Variants in DIAPH2 observed in about 807,000 individuals in gnomAD.
DIAPH2 encodes protein diaphanous homolog 2.
Under a neutral mutation model 92.7 loss-of-function variants are expected in DIAPH2, and 35 were observed. The ratio of observed to expected loss-of-function variants is 0.38; its 90% CI spans 0.29 to 0.50. The LOEUF (loss-of-function observed/expected upper bound fraction) is 0.50, where lower values mean the gene tolerates loss of function less well. Ranked by LOEUF, DIAPH2 falls within the 20% of genes least tolerant of loss-of-function variation. The pLI is 0.94. For missense variants in DIAPH2, 701 were observed against 819.5 expected, an observed-to-expected ratio of 0.86 and a Z score of 1.77; for synonymous variants, 301 against 280.4, an observed-to-expected ratio of 1.07 and a Z score of -0.73.
At chrX:97,001,041 C>T (rs1164539703) in intron 17 of DIAPH2, among the ~76,000 whole-genome samples, 2 of 112,169 alleles carry the variant, frequency 1.8e-5, no homozygotes, top group Non-Finnish European at 3.8e-5. Context: ...TTAACTATGC[C>T]TGAGTGGAGC....
At chrX:96,705,482 T>A (rs190957098) in intron 1 of DIAPH2, among the ~76,000 whole-genome samples, 84 of 112,531 alleles carry the variant, frequency 7.5e-4, no homozygotes, top group Middle Eastern at 4.6e-3. Context: ...CAAGAGTTAA[T>A]ACAGGGTTAC....
intron 13 of DIAPH2, among the ~76,000 whole-genome samples, chrX:96,944,552 C>G (rs1044028033): frequency 8.9e-5 from 10 of 111,980 alleles, no homozygotes; most frequent in African/African-American, 3.2e-4. Context: ...TATTACTGAT[C>G]TCTCTCTTAC....
Position 96,722,734 on chromosome X carries a change from C to T in DIAPH2, c.133-13024C>T, listed in dbSNP as rs185205484. Among the ~76,000 whole-genome samples the T allele has an allele frequency of 4.5e-5, 5 of 111,594 alleles. No homozygotes were observed. The East Asian group carries it at 1.1e-3, about 25-fold the overall frequency. The stretch of plus-strand genomic sequence containing the variant: ...TTCATACATTCTAGTGAGAAATTAT[C>T]GCACTATGATAAATGCTAAAATCAA... On this transcript the variant is annotated intron_variant, in intron 1 of 26. Transcript: ENST00000324765.
At chrX:96,808,793 A>G (rs2064649945) in intron 4 of DIAPH2, among the ~76,000 whole-genome samples, 1 of 111,629 alleles carries the variant, frequency 9.0e-6, no homozygotes, top group Non-Finnish European at 1.9e-5. Flanking sequence ...TAAGGATACT[A>G]CCTGTAAGTT....
At chrX:97,157,703 C>G (rs761243429) in intron 22 of DIAPH2, among the ~76,000 whole-genome samples, 1 of 111,617 alleles carries the variant, frequency 9.0e-6, no homozygotes, top group South Asian at 3.8e-4. Context: ...TCCAAGAACC[C>G]TCTTTTGGGG....
intron 26 of DIAPH2, among the ~76,000 whole-genome samples, chrX:97,509,647 A>C (rs996740416): frequency 9.5e-6 from 1 of 105,730 alleles, no homozygotes; most frequent in Non-Finnish European, 1.9e-5. Flanking sequence ...TCCTAATGCT[A>C]TCCCTCCCCA....
intron 17 of DIAPH2, among the ~76,000 whole-genome samples, chrX:96,972,496 G>A (rs1360772400): frequency 9.0e-6 from 1 of 111,340 alleles, no homozygotes; most frequent in Non-Finnish European, 1.9e-5. Context: ...GGTTAAGTTT[G>A]TAGAGTATCT....
chrX:97,172,837 G>A (rs918290270), intron 22 of DIAPH2, among the ~76,000 whole-genome samples: 7 of 111,408 alleles, frequency 6.3e-5, no homozygotes, highest in African/African-American at 2.3e-4. Context: ...TTCCCATTAA[G>A]GACTGTATAC....
intron 25 of DIAPH2, among the ~76,000 whole-genome samples, chrX:97,415,657 A>G (rs1469563882): frequency 2.0e-5 from 2 of 99,446 alleles, no homozygotes; most frequent in South Asian, 1.0e-3. Context: ...TAACAATGAG[A>G]TCACTTGGAC....
chrX:97,010,248 C>T lies in DIAPH2; in HGVS notation c.2050+45041C>T, dbSNP rs953918341. 5.5e-5 allele frequency among the ~76,000 whole-genome samples: 6 copies of T among 109,258 alleles called. No homozygotes were observed. The Admixed American group carries it at 5.8e-4, about 11-fold the overall frequency. The allele number at this position is 109,258 out of a possible 115,157, so 94.9% of individuals were successfully genotyped here. The stretch of plus-strand genomic sequence containing the variant: ...CATTGGGTTACAATGCAAAGTCCCA[C>T]AATCATTGTGCTCTCTCTTCCCAAA... On this transcript the variant is annotated intron_variant, in intron 17 of 26. Coordinates refer to ENST00000324765, the MANE Select transcript of DIAPH2 (RefSeq NM_006729.5).
At chrX:97,335,853 TACC>T (rs2069053349) in intron 23 of DIAPH2, among the ~76,000 whole-genome samples, 2 of 111,756 alleles carry the variant, frequency 1.8e-5, no homozygotes, top group African/African-American at 6.5e-5. Context: ...AATCTGATCC[TACC>T]ACTTCTTTGT....
chrX:97,332,132 T>A (rs1363717422), intron 23 of DIAPH2, among the ~76,000 whole-genome samples: 7 of 111,630 alleles, frequency 6.3e-5, no homozygotes, highest in Non-Finnish European at 1.3e-4. Context: ...AAATAATATA[T>A]TCAAGTGTTT....
intron 23 of DIAPH2, among the ~76,000 whole-genome samples, chrX:97,347,433 AAG>A (rs2069168789): frequency 9.1e-6 from 1 of 109,987 alleles, no homozygotes; most frequent in Non-Finnish European, 1.9e-5. Context: ...GTATATTAAA[AAG>A]AGAGAAAAAA....
At chrX:97,483,436 AT>A (rs920083303) in intron 26 of DIAPH2, among the ~76,000 whole-genome samples, 2 of 111,328 alleles carry the variant, frequency 1.8e-5, no homozygotes, top group Non-Finnish European at 3.8e-5. Flanking sequence ...AAAGTACTGA[AT>A]TCACTGCCTG....
chrX:97,214,960 G>T (rs1374864078), intron 22 of DIAPH2, among the ~76,000 whole-genome samples: 1 of 109,103 alleles, frequency 9.2e-6, no homozygotes, highest in East Asian at 2.9e-4. Flanking sequence ...GTACAGTTTA[G>T]ATAAGAAATG....
At chrX:96,938,205 T>C (rs2065670791) in intron 11 of DIAPH2, among the ~76,000 whole-genome samples, 1 of 111,644 alleles carries the variant, frequency 9.0e-6, no homozygotes, top group African/African-American at 3.3e-5. Context: ...AGAAATGTTA[T>C]GTTTAATCTT....
intron 12 of DIAPH2, among the ~76,000 whole-genome samples, 184 bp downstream of exon 12, chrX:96,939,566 ATGTGTG>A (rs1158448452): frequency 4.3e-5 from 3 of 70,486 alleles, no homozygotes; most frequent in African/African-American, 1.5e-4. Context: ...ATATATATAT[ATGTGTG>A]TGTGTGTGTA....
intron 26 of DIAPH2, among the ~76,000 whole-genome samples, chrX:97,486,859 A>G (rs1246542033): frequency 9.1e-6 from 1 of 110,260 alleles, no homozygotes; most frequent in African/African-American, 3.2e-5. Flanking sequence ...CATACAATAG[A>G]TCTCTAGAAT....
intron 4 of DIAPH2, among the ~76,000 whole-genome samples, chrX:96,864,992 A>G (rs777964673): frequency 7.2e-4 from 81 of 112,273 alleles, no homozygotes; most frequent in Non-Finnish European, 1.3e-3. Context: ...AAAGAGCTCT[A>G]ATATTCAGAA....
Sources: allele counts gnomAD v4.1 joint callset (sites outside exome capture counted in the v4.1 genomes callset), GRCh38; gene constraint gnomAD v4.1.1; transcripts MANE v1.5; gene names NCBI Gene and HGNC (gene_info 2026-07-23, HGNC 2026-07-21).